The following R3HDM2 variants were observed in gnomAD, a reference collection of about 807,000 sequenced individuals.
R3HDM2 encodes R3H domain-containing protein 2.
R3HDM2 carries 38 observed loss-of-function variants against 124.5 expected under a neutral mutation model. That is an observed-to-expected ratio of 0.31 (90% CI 0.24 to 0.40). The LOEUF (loss-of-function observed/expected upper bound fraction) is 0.40. Ranked by LOEUF, R3HDM2 falls within the 10% of genes least tolerant of loss-of-function variation. R3HDM2 has a pLI of 1.00. For missense variants in R3HDM2, 869 were observed against 1,236.9 expected (o/e 0.70, Z 4.46); for synonymous variants, 391 against 448.0 (o/e 0.87, Z 1.61).
intron 1 of R3HDM2, among the ~76,000 whole-genome samples, chr12:57,419,384 C>A (rs1301372485): frequency 6.6e-6 from 1 of 151,610 alleles, no homozygotes; most frequent in Non-Finnish European, 1.5e-5. Flanking sequence ...ATCTCATGAT[C>A]TGCCCGCCTC....
intron 2 of R3HDM2, among the ~76,000 whole-genome samples, chr12:57,383,407 A>G (rs1239634360): frequency 6.6e-6 from 1 of 152,150 alleles, no homozygotes; most frequent in African/African-American, 2.4e-5. Flanking sequence ...GGAAGAATTA[A>G]TAATAATGTG....
chr12:57,341,409 T>C (rs1285945554), intron 2 of R3HDM2: 2 of 984,552 alleles, frequency 2.0e-6, no homozygotes, highest in Non-Finnish European at 2.4e-6. Context: ...TTTTTCTTCT[T>C]CCTTCTCTCC....
At chr12:57,270,429 T>A (rs990340549) in intron 14 of R3HDM2, among the ~76,000 whole-genome samples, 1 of 151,606 alleles carries the variant, frequency 6.6e-6, no homozygotes, top group Admixed American at 6.6e-5. Context: ...TGTTTTGTTT[T>A]GTTTTTTGTT....
intron 2 of R3HDM2, among the ~76,000 whole-genome samples, chr12:57,343,453 T>C (rs1834287028): frequency 2.0e-5 from 3 of 151,984 alleles, no homozygotes; most frequent in Admixed American, 6.6e-5. Flanking sequence ...CCTCCCAAAA[T>C]GCTGGGATTA....
At chr12:57,407,570 TA>T in intron 1 of R3HDM2, among the ~76,000 whole-genome samples, 1 of 151,278 alleles carries the variant, frequency 6.6e-6, no homozygotes, top group East Asian at 2.0e-4. Flanking sequence ...CGTGCCCAGC[TA>T]ATTTTTTGTG....
intron 2 of R3HDM2, among the ~76,000 whole-genome samples, chr12:57,363,867 T>TAA (rs776661796): frequency 2.1e-5 from 3 of 143,462 alleles, no homozygotes; most frequent in South Asian, 2.2e-4. Context: ...CTCCATCTCT[T>TAA]AAAAAAAAAA....
intron 4 of R3HDM2, among the ~76,000 whole-genome samples, chr12:57,301,164 T>C (rs2051059739): frequency 6.6e-6 from 1 of 151,966 alleles, no homozygotes; most frequent in African/African-American, 2.4e-5. Flanking sequence ...TAAAACTTTA[T>C]TAACACTTGG....
intron 2 of R3HDM2, among the ~76,000 whole-genome samples, chr12:57,338,704 T>C (rs2136894271): frequency 6.6e-6 from 1 of 152,226 alleles, no homozygotes; most frequent in African/African-American, 2.4e-5. Flanking sequence ...GTCCTGATGT[T>C]CATTTTAAAA....
chr12:57,361,204 C>T (rs976307118), intron 2 of R3HDM2, among the ~76,000 whole-genome samples: 3 of 150,848 alleles, frequency 2.0e-5, no homozygotes, highest in African/African-American at 7.3e-5. Context: ...GGAGAAACCC[C>T]ATCTCTACTA....
At chr12:57,374,441 G>T (rs1446792141) in intron 2 of R3HDM2, among the ~76,000 whole-genome samples, 1 of 151,896 alleles carries the variant, frequency 6.6e-6, no homozygotes, top group African/African-American at 2.4e-5. Context: ...TGTAATCCCA[G>T]CACTTTGGGA....
intron 1 of R3HDM2, among the ~76,000 whole-genome samples, chr12:57,404,686 G>A (rs1310197188): frequency 6.6e-6 from 1 of 151,824 alleles, no homozygotes; most frequent in African/African-American, 2.4e-5. Context: ...GCACCAGAGC[G>A]AGACTCTGTC....
Position 57,258,015 on chromosome 12 carries a change from G to A in R3HDM2, c.2424C>T (p.Phe808=), listed in dbSNP as rs1428113682. The part of the protein sequence containing the change: ...GLSPLPVLTQ[F]PRPGGPAQGD... ...CCTGTGCTGGACCCCCAGGCCGGGG[G>A]AACTGTGTGAGGACAGGCAGGGGAC... The change falls in exon 21 of 24, where the codon TTC becomes TTT. Residue 808 remains phenylalanine, a synonymous_variant. Transcript: ENST00000402412. 2.2e-5 allele frequency: 35 copies of A among 1,577,552 alleles called. No homozygotes were observed. The highest frequency in any genetic ancestry group is 3.0e-5 in the Non-Finnish European group (35 of 1,155,642).
At chr12:57,390,093 A>T (rs533421260) in intron 2 of R3HDM2, among the ~76,000 whole-genome samples, 2 of 152,066 alleles carry the variant, frequency 1.3e-5, no homozygotes, top group East Asian at 3.9e-4. Flanking sequence ...GCTAATGAAA[A>T]CTTTACAGGT....
At chr12:57,334,797 T>C (rs748775880) in intron 2 of R3HDM2, among the ~76,000 whole-genome samples, 11 of 151,946 alleles carry the variant, frequency 7.2e-5, no homozygotes, top group Non-Finnish European at 1.3e-4. Context: ...TAAATCACAA[T>C]ATTTAAACTT....
intron 12 of R3HDM2, among the ~76,000 whole-genome samples, chr12:57,286,495 AG>A (rs1410427741): frequency 2.6e-5 from 4 of 152,222 alleles, no homozygotes; most frequent in African/African-American, 9.6e-5. Context: ...ATCCAAGTAG[AG>A]GAAGAAGTTA....
chr12:57,414,303 T>C (rs1306474820), intron 1 of R3HDM2, among the ~76,000 whole-genome samples: 1 of 147,764 alleles, frequency 6.8e-6, no homozygotes, highest in Non-Finnish European at 1.5e-5. Context: ...CTGGCCAACA[T>C]GGTGAAACCC....
At chr12:57,409,830 C>A (rs572461294) in intron 1 of R3HDM2, among the ~76,000 whole-genome samples, 152 of 152,118 alleles carry the variant, frequency 1.0e-3, no homozygotes, top group African/African-American at 3.5e-3. Flanking sequence ...TCAGTAAGTT[C>A]TTTGAAGACA....
rs1018962192 is a variant in R3HDM2, at chr12:57,426,206, C to T, written c.-106+4514G>A. Among the ~76,000 whole-genome samples, 13 of 151,980 alleles carry T rather than the reference C, an allele frequency of 8.6e-5. 1 individual carries two copies. The East Asian group carries it at 1.5e-3, about 18-fold the overall frequency. On this transcript the variant is annotated intron_variant, in intron 1 of 23. Coordinates refer to ENST00000402412, the MANE Select transcript of R3HDM2 (RefSeq NM_001394031.1). Reference sequence around the variant, plus strand: ...TCACACCATTGCACTCCAGCTTGGGCGACAGAGCGAGACTCCATCTCAAAA... The same window carrying T: ...TCACACCATTGCACTCCAGCTTGGGTGACAGAGCGAGACTCCATCTCAAAA...
At chr12:57,371,746 G>T (rs1169313322) in intron 2 of R3HDM2, among the ~76,000 whole-genome samples, 1 of 152,154 alleles carries the variant, frequency 6.6e-6, no homozygotes, top group African/African-American at 2.4e-5. Flanking sequence ...TAATATCTTT[G>T]AGCATAGTCT....
Sources: gnomAD v4.1 joint callset for allele counts (sites outside exome capture counted in the v4.1 genomes callset) on GRCh38, gnomAD v4.1.1 for gene constraint, MANE v1.5 for transcripts, NCBI Gene and HGNC (gene_info 2026-07-23, HGNC 2026-07-21) for gene names.